Variants in AGMO observed in about 807,000 individuals in gnomAD.
AGMO encodes the protein glyceryl-ether monooxygenase.
AGMO carries 75 observed loss-of-function variants against 60.2 expected under a neutral mutation model. The observed-to-expected ratio is 1.25, with a 90% CI of 1.03 to 1.51. The LOEUF is 1.51. Among genes scored for constraint, AGMO ranks in the 40% most tolerant of loss-of-function variants. The pLI, the probability that AGMO is intolerant of heterozygous loss-of-function variation, is 0.00. For missense variants in AGMO, 763 were observed against 525.5 expected (o/e 1.45, Z -4.42); for synonymous variants, 261 against 177.1 (o/e 1.47, Z -3.76).
At chr7:15,455,074 C>G (rs1052412011) in intron 3 of AGMO, among the ~76,000 whole-genome samples, 1 of 124,198 alleles carries the variant, frequency 8.1e-6, no homozygotes, top group Non-Finnish European at 1.7e-5. Context: ...CTTTCTCTCT[C>G]TCTTTCTCAC....
At chr7:15,531,511 C>T (rs28803505) in intron 3 of AGMO, among the ~76,000 whole-genome samples, 1 of 55,456 alleles carries the variant, frequency 1.8e-5, no homozygotes, top group Non-Finnish European at 3.0e-5. Flanking sequence ...TATATATATT[C>T]TCTATATATA....
In AGMO at chr7:15,342,436, G is replaced by A. The variant is rs115940880; in HGVS notation, c.1263+23078C>T. On this transcript the variant is annotated intron_variant, in intron 12 of 12. Transcript: ENST00000342526. ...CAAAGTATGTTCATCTTTAAAATCC[G>A]GTGCTAATGACTTCATTGGTAAACT... Among the ~76,000 whole-genome samples the A allele has an allele frequency of 4.9e-3, 746 of 151,870 alleles. 10 individuals are homozygous for A. The highest frequency in any genetic ancestry group is 0.017 in the African/African-American group (700 of 41,398).
chr7:15,463,439 C>T (rs1016895464), intron 3 of AGMO, among the ~76,000 whole-genome samples: 1 of 152,144 alleles, frequency 6.6e-6, no homozygotes, highest in African/African-American at 2.4e-5. Flanking sequence ...TACACACTCA[C>T]CCAAACTGGC....
intron 12 of AGMO, among the ~76,000 whole-genome samples, chr7:15,347,054 G>A (rs777682947): frequency 6.6e-6 from 1 of 151,842 alleles, no homozygotes; most frequent in Non-Finnish European, 1.5e-5. Context: ...CTACATTAAG[G>A]TGAATGTAGG....
intron 12 of AGMO, among the ~76,000 whole-genome samples, chr7:15,234,798 T>A (rs1030905599): frequency 1.3e-5 from 2 of 152,188 alleles, no homozygotes; most frequent in Non-Finnish European, 2.9e-5. Flanking sequence ...ATTTCATATG[T>A]CACTGAATAT....
At chr7:15,180,438 G>A in the AGMO span, among the ~76,000 whole-genome samples, 1 of 151,742 alleles carries the variant, frequency 6.6e-6, no homozygotes, top group Non-Finnish European at 1.5e-5. Context: ...TTCCTATTTT[G>A]TAATAATAAT....
In AGMO at chr7:15,555,280, TATATATATATATAC is replaced by T. The variant is rs1486279520; in HGVS notation, c.257+4847_257+4860del. Among the ~76,000 whole-genome samples the T allele has an allele frequency of 7.1e-5, 7 of 97,950 alleles. No homozygotes were observed. The East Asian group carries it at 1.9e-3, about 26-fold the overall frequency. The allele number at this position is 97,950 out of a possible 152,430, so 64.3% of individuals were successfully genotyped here. A position where few individuals can be genotyped will look rare whatever the true frequency, so the allele number is the denominator to read the frequency against. Reference sequence around the variant, plus strand: ...ATTAATGTATTGGATCATATATATATATATATATATATACACACACACACACACACACACACACA... The same window carrying T: ...ATTAATGTATTGGATCATATATATATACACACACACACACACACACACACA... On this transcript the variant is annotated intron_variant, in intron 2 of 12. Coordinates refer to ENST00000342526, the MANE Select transcript of AGMO (RefSeq NM_001004320.2).
intron 3 of AGMO, among the ~76,000 whole-genome samples, chr7:15,514,657 T>A (rs1783762442): frequency 6.6e-6 from 1 of 152,212 alleles, no homozygotes; most frequent in Admixed American, 6.5e-5. Flanking sequence ...TGCATTTACA[T>A]CTTCAATAAA....
intron 3 of AGMO, among the ~76,000 whole-genome samples, chr7:15,484,109 A>G (rs1782845988): frequency 6.6e-6 from 1 of 152,206 alleles, no homozygotes; most frequent in South Asian, 2.1e-4. Flanking sequence ...ATCATCAAAG[A>G]GCCTTCCAAA....
chr7:15,168,991 A>C, the AGMO span, among the ~76,000 whole-genome samples: 1 of 152,186 alleles, frequency 6.6e-6, no homozygotes, highest in African/African-American at 2.4e-5. Context: ...CCTTGTTCAG[A>C]GGCTTCTGGG....
At chr7:15,306,804 G>C (rs573349663) in intron 12 of AGMO, among the ~76,000 whole-genome samples, 13 of 151,916 alleles carry the variant, frequency 8.6e-5, no homozygotes, top group Admixed American at 1.3e-4. Context: ...ATGCCACATT[G>C]GAAAGGGCTG....
downstream of AGMO, among the ~76,000 whole-genome samples, chr7:15,196,447 C>CT (rs1781118783): frequency 6.6e-6 from 1 of 152,174 alleles, no homozygotes; most frequent in Non-Finnish European, 1.5e-5. Flanking sequence ...TCAGTATTAC[C>CT]TCTCTTAATT....
At chr7:15,285,574 G>A (rs1231869160) in intron 12 of AGMO, among the ~76,000 whole-genome samples, 1 of 151,996 alleles carries the variant, frequency 6.6e-6, no homozygotes, top group African/African-American at 2.4e-5. Flanking sequence ...AATCACAGAT[G>A]ACACAAACAA....
the AGMO span, among the ~76,000 whole-genome samples, chr7:15,152,013 T>A: frequency 1.3e-5 from 2 of 152,138 alleles, no homozygotes; most frequent in Non-Finnish European, 2.9e-5. Flanking sequence ...TATTGTCTAG[T>A]TATTTAAGTC....
Position 15,270,596 on chromosome 7 carries a change from A to ATTTTTTTTTTTTTTTTT in AGMO, c.1264-69254_1264-69238dup, listed in dbSNP as rs527463907. Among the ~76,000 whole-genome samples, 46 of 48,050 alleles carry ATTTTTTTTTTTTTTTTT rather than the reference A, an allele frequency of 9.6e-4. 1 individual carries two copies. Among genetic ancestry groups the ATTTTTTTTTTTTTTTTT allele is most frequent in the Non-Finnish European group, 1.2e-3 (31 of 25,764 alleles). The allele number at this position is 48,050 out of a possible 152,430, so 31.5% of individuals were successfully genotyped here. ...ATTAAACAAATTTAATCTGTTGATA[A>ATTTTTTTTTTTTTTTTT]TTTTTTTTTTTTTTTTTTTTTTTTT... On this transcript the variant is annotated intron_variant, in intron 12 of 12. Transcript: ENST00000342526.
intron 12 of AGMO, among the ~76,000 whole-genome samples, chr7:15,269,419 C>T (rs1421626939): frequency 2.0e-5 from 3 of 151,962 alleles, no homozygotes; most frequent in Admixed American, 6.6e-5. Context: ...CAAGGATTCC[C>T]GGTCCCAATA....
chr7:15,519,007 A>G (rs138058535), intron 3 of AGMO, among the ~76,000 whole-genome samples: 15,919 of 151,690 alleles, frequency 0.1, 1,034 homozygotes, highest in Non-Finnish European at 0.15. Context: ...ACAGCATGAG[A>G]ACTTCCTGAA....
intron 12 of AGMO, among the ~76,000 whole-genome samples, chr7:15,251,747 C>T (rs1782944254): frequency 6.6e-6 from 1 of 152,170 alleles, no homozygotes; most frequent in African/African-American, 2.4e-5. Context: ...TAGAAGATAA[C>T]AGAAGTAGCA....
intron 12 of AGMO, among the ~76,000 whole-genome samples, chr7:15,326,526 A>C (rs998170631): frequency 2.6e-5 from 4 of 152,186 alleles, no homozygotes; most frequent in African/African-American, 9.6e-5. Context: ...AAGGATGCTT[A>C]CTAATGCTCT....
Sources: gnomAD v4.1 joint callset for allele counts (sites outside exome capture counted in the v4.1 genomes callset) on GRCh38, gnomAD v4.1.1 for gene constraint, MANE v1.5 for transcripts, NCBI Gene and HGNC (gene_info 2026-07-23, HGNC 2026-07-21) for gene names.